ZNF141: variants seen among roughly 807,000 people sequenced by gnomAD.
ZNF141 encodes the protein zinc finger protein 141 (clone pHZ-44).
In ZNF141, 7 loss-of-function variants were observed where a neutral mutation model predicts 11.3. The ratio of observed to expected loss-of-function variants is 0.62; its 90% CI spans 0.35 to 1.16. The LOEUF is 1.16. Ranked by LOEUF, ZNF141 falls within the 50% of genes most tolerant of loss-of-function variation. The pLI is 0.02. For missense variants in ZNF141, 535 were observed against 554.0 expected (o/e 0.97, Z 0.34); for synonymous variants, 183 against 190.7 (o/e 0.96, Z 0.33).
intron 3 of ZNF141, 89 bp from the exon 4 acceptor site, chr4:372,575 A>G (rs530665879): frequency 8.5e-7 from 1 of 1,180,414 alleles, no homozygotes; most frequent in African/African-American, 1.6e-5. Flanking sequence ...CCATCTTACT[A>G]ATGTATTTTG....
At chr4:346,172 A>G (rs1319179799) in intron 3 of ZNF141, among the ~76,000 whole-genome samples, 1 of 152,228 alleles carries the variant, frequency 6.6e-6, no homozygotes, top group African/African-American at 2.4e-5. Flanking sequence ...ATTTTACCAG[A>G]GTTTAATTGA....
rs1712300218 is a variant in ZNF141, at chr4:375,116, T to C, written c.*1254T>C. 6.6e-6 allele frequency: 1 copy of C among 152,114 alleles called. No homozygotes were observed. The highest frequency in any genetic ancestry group is 1.5e-5 in the Non-Finnish European group (1 of 67,962). The allele number at this position is 152,114 out of a possible 1,614,324, so 9.4% of individuals were successfully genotyped here. ...AAAAGTTATAGAAATATAAAAAATA[T>C]AGAAAAGTCATATCTCCTCACATTT... On this transcript the variant is annotated 3_prime_UTR_variant, in exon 4 of 4. Transcript: ENST00000240499.
At chr4:368,721 A>G (rs1711874245) in intron 3 of ZNF141, among the ~76,000 whole-genome samples, 1 of 152,144 alleles carries the variant, frequency 6.6e-6, no homozygotes, top group Non-Finnish European at 1.5e-5. Flanking sequence ...GCCGGATTTT[A>G]TTGATTTAGG....
chr4:352,753 T>A (rs1553850663), intron 3 of ZNF141, among the ~76,000 whole-genome samples: 1 of 152,232 alleles, frequency 6.6e-6, no homozygotes, highest in Non-Finnish European at 1.5e-5. Flanking sequence ...TTTTTCCCTT[T>A]GGCTTTTACT....
At chr4:356,941 AT>A (rs1285384139) in intron 3 of ZNF141, among the ~76,000 whole-genome samples, 2 of 151,288 alleles carry the variant, frequency 1.3e-5, no homozygotes, top group Admixed American at 6.6e-5. Context: ...TCATTTTAAA[AT>A]TTTGCCTTCA....
At chr4:343,002 T>G in intron 1 of ZNF141, 2 of 880,556 alleles carry the variant, frequency 2.3e-6, no homozygotes, top group Non-Finnish European at 1.6e-6. Flanking sequence ...GTTAAAAAAG[T>G]ATTAAAAAAG....
rs1712404791 is a variant in ZNF141, at chr4:377,050, C to T, written c.*3188C>T. On this transcript the variant is annotated 3_prime_UTR_variant, in exon 4 of 4. Coordinates refer to ENST00000240499, the MANE Select transcript of ZNF141 (RefSeq NM_003441.4). ...AATGTAAAATTTTTAGATGTAATTT[C>T]ATAATATATGTATTAAGTTATTTTA... 6.6e-6 allele frequency among the ~76,000 whole-genome samples: 1 copy of T among 152,130 alleles called. No individual in the cohort carries two copies. Among genetic ancestry groups the T allele is most frequent in the South Asian group, 2.1e-4 (1 of 4,830 alleles).
At chr4:351,236 C>T (rs763731838) in intron 3 of ZNF141, among the ~76,000 whole-genome samples, 4 of 135,000 alleles carry the variant, frequency 3.0e-5, no homozygotes, top group African/African-American at 5.4e-5. Context: ...CCAGTTAAAC[C>T]TTTTTTTTTT....
rs1553854035 is a variant in ZNF141 at position 373,528 on chromosome 4, A to T, written c.1091A>T (p.Glu364Val). 1 of 1,614,020 alleles carries T rather than the reference A, an allele frequency of 6.2e-7. No individual in the cohort carries two copies. Among genetic ancestry groups the T allele is most frequent in the Non-Finnish European group, 8.5e-7 (1 of 1,179,934 alleles). The change falls in exon 4 of 4, where the codon GAG becomes GTG. Residue 364 changes from glutamate to valine, a missense_variant. Coordinates refer to ENST00000240499, the MANE Select transcript of ZNF141 (RefSeq NM_003441.4). ...LNEHKKVHTGERPYKCDECGK... is the reference protein window; with the variant it reads ...LNEHKKVHTGVRPYKCDECGK... ...GAACATAAGAAAGTTCATACTGGAG[A>T]GCGGCCCTACAAATGTGATGAATGT... is the stretch of plus-strand genomic sequence containing the variant.
At chr4:342,854 C>T in intron 1 of ZNF141, 1 of 1,608,790 alleles carries the variant, frequency 6.2e-7, no homozygotes. Flanking sequence ...TTCATCCCAA[C>T]TGTAGGCTGA....
chr4:353,816 T>C (rs1190172776), intron 3 of ZNF141, among the ~76,000 whole-genome samples: 1 of 152,160 alleles, frequency 6.6e-6, no homozygotes, highest in Non-Finnish European at 1.5e-5. Context: ...AATGTGATTC[T>C]ACGTCTCCTC....
intron 1 of ZNF141, chr4:343,015 CCTTGCATGAT>C: frequency 1.5e-6 from 1 of 662,342 alleles, no homozygotes. Flanking sequence ...TAAAAAAGTT[CCTTGCATGAT>C]TAAAAAAGTA....
chr4:358,606 T>G (rs1721962452), intron 3 of ZNF141: 1 of 156,350 alleles, frequency 6.4e-6, no homozygotes, highest in Admixed American at 6.4e-5. Flanking sequence ...TGAGATGGAG[T>G]CTTGTTCTGT....
intron 1 of ZNF141, chr4:342,691 A>T: frequency 1.1e-6 from 1 of 911,098 alleles, no homozygotes; most frequent in Non-Finnish European, 1.8e-6. Context: ...TTTGAAGAGA[A>T]ACCATCAGCT....
chr4:350,057 G>C, intron 3 of ZNF141: 1 of 492,006 alleles, frequency 2.0e-6, no homozygotes, highest in Non-Finnish European at 4.2e-6. Flanking sequence ...CAGGGCCATG[G>C]CTGGGTGTGT....
At chr4:356,608 G>A (rs144514156) in intron 3 of ZNF141, among the ~76,000 whole-genome samples, 2,141 of 152,202 alleles carry the variant, frequency 0.014, 18 homozygotes, top group Middle Eastern at 0.031. Flanking sequence ...CACCGCACCC[G>A]ACCAAGGCCT....
chr4:375,470 ATG>A lies in ZNF141; in HGVS notation c.*1611_*1612del, dbSNP rs1712316837. The stretch of plus-strand genomic sequence containing the variant: ...AGAAAATATTTTGTAGATGCAGTAA[ATG>A]TGAAGAAATATTTAGTCTAAAAAGA... On this transcript the variant is annotated 3_prime_UTR_variant, in exon 4 of 4. Transcript: ENST00000240499. Among the ~76,000 whole-genome samples the A allele has an allele frequency of 6.6e-6, 1 of 152,134 alleles. No homozygotes were observed. Among genetic ancestry groups the A allele is most frequent in the African/African-American group, 2.4e-5 (1 of 41,464 alleles).
intron 3 of ZNF141, among the ~76,000 whole-genome samples, chr4:350,774 C>G (rs781790032): frequency 6.6e-6 from 1 of 152,162 alleles, no homozygotes; most frequent in Non-Finnish European, 1.5e-5. Context: ...GAGTCTCGCT[C>G]TGTGGCTCAG....
At chr4:357,707 C>CTTTT (rs572493320) in intron 3 of ZNF141, among the ~76,000 whole-genome samples, 1 of 132,586 alleles carries the variant, frequency 7.5e-6, no homozygotes, top group Non-Finnish European at 1.6e-5. Flanking sequence ...TTTCTTTTTT[C>CTTTT]TTTTTTTTTT....
Sources: gnomAD v4.1 joint callset for allele counts (sites outside exome capture counted in the v4.1 genomes callset) on GRCh38, gnomAD v4.1.1 for gene constraint, MANE v1.5 for transcripts, NCBI Gene and HGNC (gene_info 2026-07-23, HGNC 2026-07-21) for gene names.